DCC: variants seen among roughly 807,000 people sequenced by gnomAD.
DCC encodes the protein netrin receptor DCC.
Under a neutral mutation model 172.5 loss-of-function variants are expected in DCC, and 58 were observed. That is an observed-to-expected ratio of 0.34 (90% CI 0.27 to 0.42). DCC has a LOEUF of 0.42. Among genes scored for constraint, DCC ranks in the 10% least tolerant of loss-of-function variants. The pLI, the probability that DCC is intolerant of heterozygous loss-of-function variation, is 1.00. For missense variants in DCC, 1,740 were observed against 1,791.0 expected, an observed-to-expected ratio of 0.97 and a Z score of 0.51; for synonymous variants, 709 against 644.5, an observed-to-expected ratio of 1.10 and a Z score of -1.52.
At chr18:52,668,218 C>T (rs2035490012) in intron 1 of DCC, among the ~76,000 whole-genome samples, 1 of 152,138 alleles carries the variant, frequency 6.6e-6, no homozygotes, top group Non-Finnish European at 1.5e-5. Context: ...TTCAGGTAAT[C>T]TCATGTGTTT....
intron 1 of DCC, among the ~76,000 whole-genome samples, chr18:52,458,776 A>G (rs1228016815): frequency 6.6e-6 from 1 of 152,218 alleles, no homozygotes; most frequent in Non-Finnish European, 1.5e-5. Context: ...TGCTACATAC[A>G]GTTTTTAAAA....
intron 1 of DCC, among the ~76,000 whole-genome samples, chr18:52,626,845 G>A (rs2034582321): frequency 6.6e-6 from 1 of 152,178 alleles, no homozygotes; most frequent in Non-Finnish European, 1.5e-5. Flanking sequence ...GAGAAAGTAT[G>A]TAGTTAGATG....
intron 1 of DCC, among the ~76,000 whole-genome samples, chr18:52,367,040 C>T (rs1247883566): frequency 6.6e-6 from 1 of 152,214 alleles, no homozygotes; most frequent in East Asian, 1.9e-4. Flanking sequence ...AGGTCCCGAG[C>T]CCTGCCCCGC....
At chr18:53,485,261 C>A (rs184631663) in intron 25 of DCC, among the ~76,000 whole-genome samples, 1 of 151,932 alleles carries the variant, frequency 6.6e-6, no homozygotes, top group Non-Finnish European at 1.5e-5. Flanking sequence ...ATGTCATAAA[C>A]CTCTAATATA....
At chr18:53,060,832 TAAACTC>T (rs1416180172) in intron 5 of DCC, among the ~76,000 whole-genome samples, 1 of 152,124 alleles carries the variant, frequency 6.6e-6, no homozygotes, top group African/African-American at 2.4e-5. Flanking sequence ...AGCAATCACT[TAAACTC>T]AATCATTTGT....
At chr18:52,736,458 T>G (rs1324236797) in intron 1 of DCC, among the ~76,000 whole-genome samples, 1 of 152,020 alleles carries the variant, frequency 6.6e-6, no homozygotes, top group Non-Finnish European at 1.5e-5. Flanking sequence ...CTTTGATAAT[T>G]ATCAGGTTTT....
intron 5 of DCC, among the ~76,000 whole-genome samples, chr18:53,036,391 C>T (rs776479819): frequency 6.6e-6 from 1 of 152,012 alleles, no homozygotes; most frequent in Non-Finnish European, 1.5e-5. Flanking sequence ...GAAAACTGCA[C>T]CCAGCTGAAC....
chr18:53,280,212 C>A (rs972428743), intron 12 of DCC, among the ~76,000 whole-genome samples: 21 of 152,248 alleles, frequency 1.4e-4, no homozygotes, highest in Admixed American at 1.4e-3. Context: ...GTAATAAAAT[C>A]TAGTTATAAG....
intron 9 of DCC, among the ~76,000 whole-genome samples, chr18:53,191,971 A>C (rs2055372597): frequency 6.6e-6 from 1 of 152,218 alleles, no homozygotes; most frequent in South Asian, 2.1e-4. Context: ...TTTACTGCTG[A>C]AGTCTATTTG....
intron 28 of DCC, among the ~76,000 whole-genome samples, chr18:53,529,314 G>T (rs765666464): frequency 3.3e-5 from 5 of 152,028 alleles, no homozygotes; most frequent in African/African-American, 9.7e-5. Flanking sequence ...GAGATCAAGG[G>T]TACTTATTTG....
At chr18:53,331,801 G>A (rs1450379002) in intron 14 of DCC, among the ~76,000 whole-genome samples, 2 of 152,122 alleles carry the variant, frequency 1.3e-5, no homozygotes, top group Non-Finnish European at 2.9e-5. Context: ...TCTGGAATTG[G>A]GATTCTGCAG....
At position 52,715,748 on chromosome 18, in the gene DCC, C is replaced by T. The variant is rs542308637; in HGVS notation, c.92-36306C>T. On this transcript the variant is annotated intron_variant, in intron 1 of 28. Transcript: ENST00000442544. ...TGCTTAGGGTTCTTGGCCATTCATACAGAGCCTTAATGTGTCATCAATCTA... is the reference window on the plus strand; with the variant it reads ...TGCTTAGGGTTCTTGGCCATTCATATAGAGCCTTAATGTGTCATCAATCTA... Among the ~76,000 whole-genome samples the T allele has an allele frequency of 2.0e-5, 3 of 152,270 alleles. No individual in the cohort carries two copies. The East Asian group carries it at 5.8e-4, about 30-fold the overall frequency.
intron 1 of DCC, among the ~76,000 whole-genome samples, chr18:52,601,861 G>C (rs17681676): frequency 0.079 from 12,057 of 151,996 alleles, 593 homozygotes; most frequent in South Asian, 0.17. Flanking sequence ...CTAAATATTT[G>C]AGTCCTGAAT....
intron 21 of DCC, among the ~76,000 whole-genome samples, chr18:53,433,936 A>T (rs1911787850): frequency 6.6e-6 from 1 of 152,230 alleles, no homozygotes; most frequent in African/African-American, 2.4e-5. Flanking sequence ...TTGACATCCT[A>T]ACTTCAGCTG....
At chr18:52,721,377 T>C (rs762133922) in intron 1 of DCC, among the ~76,000 whole-genome samples, 1 of 152,192 alleles carries the variant, frequency 6.6e-6, no homozygotes, top group Admixed American at 6.5e-5. Context: ...ATAATGATAT[T>C]ATAAACAAAC....
rs142784390 is a variant in DCC, at chr18:53,479,837, C to T, written c.3737-6960C>T. 1.2e-4 allele frequency among the ~76,000 whole-genome samples: 19 copies of T among 152,240 alleles called. No individual in the cohort carries two copies. The East Asian group carries it at 3.7e-3, about 29-fold the overall frequency. On this transcript the variant is annotated intron_variant, in intron 25 of 28. Transcript: ENST00000442544. ...ATTCCTAATATCTTAGAGATTTCTT[C>T]AACAAAATGGACCATTTCTTAAACC...
At chr18:53,200,911 C>A (rs1381178511) in intron 9 of DCC, among the ~76,000 whole-genome samples, 1 of 152,146 alleles carries the variant, frequency 6.6e-6, no homozygotes, top group Non-Finnish European at 1.5e-5. Flanking sequence ...ACACTTGGAA[C>A]CTCAGAAAAC....
intron 12 of DCC, among the ~76,000 whole-genome samples, chr18:53,216,067 A>G (rs1162930087): frequency 6.6e-6 from 1 of 152,168 alleles, no homozygotes; most frequent in Non-Finnish European, 1.5e-5. Context: ...CCATTCTTGA[A>G]CTTCAATACA....
intron 2 of DCC, among the ~76,000 whole-genome samples, chr18:52,824,735 C>T (rs1479100527): frequency 1.3e-5 from 2 of 152,114 alleles, no homozygotes; most frequent in South Asian, 4.1e-4. Flanking sequence ...CTTTGGGAGG[C>T]TGAAGCAGGC....
Sources: allele counts gnomAD v4.1 joint callset (sites outside exome capture counted in the v4.1 genomes callset), GRCh38; gene constraint gnomAD v4.1.1; transcripts MANE v1.5; gene names NCBI Gene and HGNC (gene_info 2026-07-23, HGNC 2026-07-21).